Variants in FAM193B observed in about 807,000 individuals in gnomAD.
The protein encoded by FAM193B is family with sequence similarity 193 member B.
Under a neutral mutation model 70.7 loss-of-function variants are expected in FAM193B, and 27 were observed. The observed-to-expected ratio is 0.38, with a 90% CI of 0.28 to 0.53. The LOEUF (loss-of-function observed/expected upper bound fraction) is 0.53, where lower values mean the gene tolerates loss of function less well. Among genes scored for constraint, FAM193B ranks in the 20% least tolerant of loss-of-function variants. The probability of loss-of-function intolerance (pLI) is 0.81; values close to 1 mark genes in which losing one functional copy is unlikely to be tolerated. For missense variants in FAM193B, 1,022 were observed against 1,072.5 expected (o/e 0.95, Z 0.66); for synonymous variants, 448 against 436.0 (o/e 1.03, Z -0.34).
At chr5:177,550,179 T>C (rs1766017566) in intron 1 of FAM193B, among the ~76,000 whole-genome samples, 1 of 151,872 alleles carries the variant, frequency 6.6e-6, no homozygotes, top group African/African-American at 2.4e-5. Flanking sequence ...AAATCCTAAG[T>C]GGGTAAGTCT....
intron 5 of FAM193B, among the ~76,000 whole-genome samples, chr5:177,528,776 A>G (rs914839868): frequency 6.6e-6 from 1 of 152,226 alleles, no homozygotes; most frequent in African/African-American, 2.4e-5. Context: ...GCTAAGGTAC[A>G]GGAAGCCCAG....
chr5:177,524,291 C>A lies in FAM193B; in HGVS notation c.2190G>T (p.Gln730His). The A allele has an allele frequency of 6.3e-7, 1 of 1,585,752 alleles. No homozygotes were observed. The highest frequency in any genetic ancestry group is 2.3e-5 in the East Asian group (1 of 43,768). Residue 730 changes from glutamine to histidine, a missense_variant, in exon 6 of 9, where the codon CAG (glutamine) becomes CAT (histidine). By Grantham distance (24) the Gln-to-His change is conservative. Coordinates refer to ENST00000514747, the MANE Select transcript of FAM193B (RefSeq NM_001190946.3). ...PGEAKARPQE[Q>H]ESVQPSGPAR... ...CTGGGCCTGAGGGCTGCACAGACTC[C>A]TGCTCCTGAGGCCGTGCCTTGGCCT... is the stretch of plus-strand genomic sequence containing the variant.
chr5:177,531,660 C>A, intron 5 of FAM193B: 1 of 796,408 alleles, frequency 1.3e-6, no homozygotes, highest in Non-Finnish European at 1.7e-6. Flanking sequence ...CACATGGCTT[C>A]ACCCTCTCAG....
At chr5:177,549,091 C>T (rs965080787) in intron 1 of FAM193B, among the ~76,000 whole-genome samples, 1 of 152,032 alleles carries the variant, frequency 6.6e-6, no homozygotes, top group African/African-American at 2.4e-5. Context: ...GCAACCCTGA[C>T]ACCAAATATC....
At position 177,532,634 on chromosome 5, in the gene FAM193B, CG is replaced by C; in HGVS notation, c.1083del (p.Cys363AlafsTer75). On this transcript the variant is annotated frameshift_variant, in exon 5 of 9. Coordinates refer to ENST00000514747, the MANE Select transcript of FAM193B (RefSeq NM_001190946.3). LOFTEE classifies it high-confidence loss of function. The surrounding 1 kb of genome is among the most constrained non-coding windows in gnomAD (Gnocchi z 4.9). ...TGTGCAAACTTGTGCCCCTTGCACC[CG>C]GGATCCCTGATGATGGGGAGGAAGG... ...SQPLPSTHRDPGCKGHKFAHS... is the reference protein window; with the variant it reads ...SQPLPSTHRDXGCKGHKFAHS... The C allele has an allele frequency of 6.5e-7, 1 of 1,539,666 alleles. No homozygotes were observed. The highest frequency in any genetic ancestry group is 8.7e-7 in the Non-Finnish European group (1 of 1,151,398).
In FAM193B at chr5:177,536,245, TGAAAG is replaced by T. The variant is rs1271039861; in HGVS notation, c.1076+108_1076+112del. 5.1e-6 allele frequency: 6 copies of T among 1,175,266 alleles called. No homozygotes were observed. The East Asian group carries it at 7.8e-5, about 15-fold the overall frequency. The allele number at this position is 1,175,266 out of a possible 1,614,324, so 72.8% of individuals were successfully genotyped here. ...ATACTTCTTTACAATTGAAAAATAA[TGAAAG>T]GAAAGACATAGTCTACTTTTTAATT... On this transcript the variant is annotated intron_variant, in intron 4 of 8. Coordinates refer to ENST00000514747, the MANE Select transcript of FAM193B (RefSeq NM_001190946.3).
chr5:177,535,077 C>G (rs952890178), intron 4 of FAM193B, among the ~76,000 whole-genome samples: 4 of 152,206 alleles, frequency 2.6e-5, no homozygotes, highest in Admixed American at 2.6e-4. Context: ...CAGCCTTTAA[C>G]TAGTAACTTT....
chr5:177,553,417 C>G, intron 1 of FAM193B: 1 of 1,049,050 alleles, frequency 9.5e-7, no homozygotes, highest in Non-Finnish European at 1.2e-6. Context: ...GGAGAGCCAC[C>G]CAGCCCCGAG....
intron 8 of FAM193B, 48 bp downstream of exon 8, chr5:177,521,926 G>T: frequency 1.4e-6 from 2 of 1,465,976 alleles, no homozygotes; most frequent in Non-Finnish European, 1.9e-6. Flanking sequence ...AGAGAGGGTG[G>T]CCAAGCACAG....
At position 177,541,156 on chromosome 5, in the gene FAM193B, A is replaced by G. The variant is rs73804371; in HGVS notation, c.211-2009T>C. ...TGCCAAGGGAACATTTCAATGAGCA[A>G]GACAGTTGTTTAATGGCAACTGCAG... On this transcript the variant is annotated intron_variant, in intron 1 of 8. Coordinates refer to ENST00000514747, the MANE Select transcript of FAM193B (RefSeq NM_001190946.3). 8.2e-3 allele frequency among the ~76,000 whole-genome samples: 1,250 copies of G among 152,330 alleles called. 23 individuals are homozygous for G. The highest frequency in any genetic ancestry group is 0.029 in the African/African-American group (1,194 of 41,560).
At chr5:177,554,078 G>C (rs1405640656) in intron 1 of FAM193B, 171 bp downstream of exon 1, 1 of 1,374,920 alleles carries the variant, frequency 7.3e-7, no homozygotes, top group Admixed American at 2.9e-5. Flanking sequence ...TGGGGAGAGG[G>C]GTCCAGCCTC....
At chr5:177,531,936 G>A (rs1275479184) in intron 5 of FAM193B, 5 of 1,251,876 alleles carry the variant, frequency 4.0e-6, no homozygotes, top group Non-Finnish European at 4.1e-6. Context: ...CCTAACCAGC[G>A]GCCCTCTCCT....
Position 177,524,961 on chromosome 5 carries a change from G to A in FAM193B, c.1520C>T (p.Ala507Val). 11 of 1,509,046 alleles carry A rather than the reference G, an allele frequency of 7.3e-6. No homozygotes were observed. Among genetic ancestry groups the A allele is most frequent in the Non-Finnish European group, 8.9e-6 (10 of 1,129,870 alleles). 93.5% of individuals were successfully genotyped at this position (1,509,046 alleles called of 1,614,324 possible). A position where few individuals can be genotyped will look rare whatever the true frequency, so the allele number is the denominator to read the frequency against. Residue 507 changes from alanine (A) to valine (V), a missense_variant, in exon 6 of 9, where the codon GCT (alanine) becomes GTT (valine). By Grantham distance (64) the Ala-to-Val change is moderately conservative (BLOSUM62 0). Coordinates refer to ENST00000514747, the MANE Select transcript of FAM193B (RefSeq NM_001190946.3). ...MDSNGFSKEG[A>V]AEPEPQSLPP... is the part of the protein sequence containing the mutation. ...TAGACTCTGAGGCTCAGGCTCAGCA[G>A]CCCCCTCCTTAGAGAAGCCATTGCT...
At chr5:177,533,509 G>T (rs1044565301) in intron 4 of FAM193B, among the ~76,000 whole-genome samples, 2 of 152,128 alleles carry the variant, frequency 1.3e-5, no homozygotes, top group African/African-American at 4.8e-5. Flanking sequence ...GTTTCACCAT[G>T]TTAGCCAGGA....
intron 8 of FAM193B, among the ~76,000 whole-genome samples, chr5:177,520,552 G>A (rs1403687392): frequency 6.6e-6 from 1 of 152,186 alleles, no homozygotes; most frequent in Non-Finnish European, 1.5e-5. Flanking sequence ...CGCTTACTAG[G>A]GGGTGGGGAG....
intron 1 of FAM193B, among the ~76,000 whole-genome samples, chr5:177,541,575 C>G (rs1205112765): frequency 6.6e-6 from 1 of 152,116 alleles, no homozygotes; most frequent in Non-Finnish European, 1.5e-5. Flanking sequence ...CCCGCCACCA[C>G]GCCCGGCTAA....
At chr5:177,554,111 G>A (rs1766712458) in intron 1 of FAM193B, 138 bp downstream of exon 1, 1 of 1,399,136 alleles carries the variant, frequency 7.1e-7, no homozygotes. Context: ...GGGGGAGAAA[G>A]CTTCGGCGCC....
chr5:177,532,659 G>A lies in FAM193B; in HGVS notation c.1077-18C>T. 2.6e-6 allele frequency: 4 copies of A among 1,514,924 alleles called. No individual in the cohort carries two copies. The highest frequency in any genetic ancestry group is 3.5e-6 in the Non-Finnish European group (4 of 1,140,076). The allele number at this position is 1,514,924 out of a possible 1,614,324, so 93.8% of individuals were successfully genotyped here. ...CGGGATCCCTGATGATGGGGAGGAAGGCCCAGAGGTGAGGCAGGGTGATGC... is the reference window on the plus strand; with the variant it reads ...CGGGATCCCTGATGATGGGGAGGAAAGCCCAGAGGTGAGGCAGGGTGATGC... On this transcript the variant is annotated intron_variant, in intron 4 of 8. Coordinates refer to ENST00000514747, the MANE Select transcript of FAM193B (RefSeq NM_001190946.3). The surrounding 1 kb of genome is among the most constrained non-coding windows in gnomAD (Gnocchi z 4.9).
intron 5 of FAM193B, chr5:177,531,536 G>GGGGGGGGGGGT: frequency 5.7e-6 from 6 of 1,046,990 alleles, no homozygotes; most frequent in Non-Finnish European, 7.9e-6. Context: ...GGGTGGGGGG[G>GGGGGGGGGGGT]AGGTGCTGAC....
Sources: allele counts gnomAD v4.1 joint callset (sites outside exome capture counted in the v4.1 genomes callset), GRCh38; gene constraint gnomAD v4.1.1; non-coding constraint Gnocchi (gnomAD v3.1); transcripts MANE v1.5; gene names NCBI Gene and HGNC (gene_info 2026-07-23, HGNC 2026-07-21).